Variants in GPR19 observed in about 807,000 individuals in gnomAD.
The protein encoded by GPR19 is probable G protein-coupled receptor 19.
GPR19 carries 14 observed loss-of-function variants against 28.5 expected under a neutral mutation model. The ratio of observed to expected loss-of-function variants is 0.49; its 90% CI spans 0.32 to 0.77. The LOEUF (loss-of-function observed/expected upper bound fraction) is 0.77, where lower values mean the gene tolerates loss of function less well. Among genes scored for constraint, GPR19 ranks in the 30% least tolerant of loss-of-function variants. The pLI is 0.03. For missense variants in GPR19, 409 were observed against 504.1 expected (o/e 0.81, Z 1.81); for synonymous variants, 173 against 184.1 (o/e 0.94, Z 0.49).
chr12:12,702,369 G>T, the GPR19 span, among the ~76,000 whole-genome samples: 2 of 152,022 alleles, frequency 1.3e-5, no homozygotes, highest in South Asian at 4.1e-4. Flanking sequence ...GTTGGTATTT[G>T]ACTCACATCT....
chr12:12,673,935 G>A (rs1378587242), intron 3 of GPR19, among the ~76,000 whole-genome samples: 1 of 152,050 alleles, frequency 6.6e-6, no homozygotes, highest in Non-Finnish European at 1.5e-5. Context: ...TAGAAGCAGG[G>A]AGAATAGTTA....
chr12:12,676,538 A>T (rs1592259967), intron 3 of GPR19, among the ~76,000 whole-genome samples: 1 of 152,314 alleles, frequency 6.6e-6, no homozygotes, highest in East Asian at 1.9e-4. Flanking sequence ...TCCAAAGGAA[A>T]GATGAATTTT....
chr12:12,675,224 G>C (rs1328361525), intron 3 of GPR19, among the ~76,000 whole-genome samples: 1 of 152,136 alleles, frequency 6.6e-6, no homozygotes, highest in Admixed American at 6.6e-5. Context: ...CATCACGTGG[G>C]GAGCAGGTTA....
intron 1 of GPR19, 143 bp from the exon 2 acceptor site, chr12:12,695,654 T>G (rs556792293): frequency 1.3e-5 from 2 of 152,350 alleles, no homozygotes; most frequent in Non-Finnish European, 2.9e-5. Context: ...CTCATTCCAT[T>G]CCATTAGGGG....
intron 3 of GPR19, among the ~76,000 whole-genome samples, chr12:12,662,789 T>C (rs1945699806): frequency 6.6e-6 from 1 of 152,226 alleles, no homozygotes; most frequent in African/African-American, 2.4e-5. Context: ...TCACAGAATA[T>C]TAGGGATCTC....
At chr12:12,674,048 C>T (rs888520601) in intron 3 of GPR19, among the ~76,000 whole-genome samples, 1 of 151,520 alleles carries the variant, frequency 6.6e-6, no homozygotes, top group Non-Finnish European at 1.5e-5. Context: ...CCTGTCTGTA[C>T]TAAATATATA....
At chr12:12,691,402 T>A (rs952520274) in intron 2 of GPR19, among the ~76,000 whole-genome samples, 1 of 152,134 alleles carries the variant, frequency 6.6e-6, no homozygotes, top group Non-Finnish European at 1.5e-5. Flanking sequence ...AGCATGCCCT[T>A]CACACTGCTT....
At position 12,661,462 on chromosome 12, in the gene GPR19, C is replaced by T; in HGVS notation, c.987G>A (p.Leu329=). 3 of 1,613,654 alleles carry T rather than the reference C, an allele frequency of 1.9e-6. No homozygotes were observed. The highest frequency in any genetic ancestry group is 3.3e-5 in the Admixed American group (2 of 60,004). The part of the protein sequence containing the change: ...SFSSSASKPT[L]YSIYNANFRR... ...GAAAATTGGCATTATAAATTGAATA[C>T]AGAGTAGGTTTAGAGGCTGAAGAAC... Residue 329 remains leucine (L), a synonymous_variant, in exon 4 of 4, where the codon CTG becomes CTA. Transcript: ENST00000651487. The surrounding 1 kb of genome is among the most constrained non-coding windows in gnomAD (Gnocchi z 4.2).
chr12:12,697,630 G>A (rs188152110), upstream of GPR19, among the ~76,000 whole-genome samples: 4 of 152,298 alleles, frequency 2.6e-5, no homozygotes, highest in Admixed American at 1.3e-4. Flanking sequence ...AGGAAAGTGG[G>A]ATTTTCAAGA....
intron 3 of GPR19, among the ~76,000 whole-genome samples, chr12:12,666,812 T>A (rs1367548006): frequency 6.6e-6 from 1 of 152,202 alleles, no homozygotes; most frequent in Non-Finnish European, 1.5e-5. Context: ...CTATATATTC[T>A]CAGAGAGGTG....
the GPR19 span, among the ~76,000 whole-genome samples, chr12:12,711,573 CAG>C: frequency 3.7e-4 from 56 of 152,244 alleles, no homozygotes; most frequent in Admixed American, 9.2e-4. Context: ...GCAAAGGAGA[CAG>C]GGGAATTTCA....
At chr12:12,705,749 T>C in the GPR19 span, among the ~76,000 whole-genome samples, 4 of 152,138 alleles carry the variant, frequency 2.6e-5, no homozygotes, top group Non-Finnish European at 4.4e-5. Context: ...AGGGTTTCAC[T>C]ATGTTGCCCA....
Position 12,695,104 on chromosome 12 carries a change from T to A in GPR19, c.-180+355A>T, listed in dbSNP as rs191121988. Among the ~76,000 whole-genome samples, 17 of 152,366 alleles carry A rather than the reference T, an allele frequency of 1.1e-4. No homozygotes were observed. The East Asian group carries it at 3.1e-3, about 28-fold the overall frequency. On this transcript the variant is annotated intron_variant, in intron 2 of 3. Transcript: ENST00000651487. ...GTTTTTCTTACAGATGAAGTGATAC[T>A]CTTTACCTATCAGCCATTCCTTTGT...
At chr12:12,698,588 CA>C (rs1946294396), upstream of GPR19, among the ~76,000 whole-genome samples, 2 of 149,736 alleles carry the variant, frequency 1.3e-5, no homozygotes, top group African/African-American at 4.9e-5. Context: ...AATGATAGGA[CA>C]TTTTTTTCAT....
At chr12:12,709,346 G>A in the GPR19 span, among the ~76,000 whole-genome samples, 4,365 of 152,210 alleles carry the variant, frequency 0.029, 206 homozygotes, top group African/African-American at 0.099. Flanking sequence ...AAACTATGTG[G>A]TCTCTCTTCT....
At chr12:12,668,101 A>G (rs1945807854) in intron 3 of GPR19, among the ~76,000 whole-genome samples, 1 of 152,168 alleles carries the variant, frequency 6.6e-6, no homozygotes. Context: ...TTTATATGTT[A>G]ACTTGTAGAT....
chr12:12,697,004 A>C (rs150185071), upstream of GPR19, among the ~76,000 whole-genome samples: 138 of 152,264 alleles, frequency 9.1e-4, 1 homozygote, highest in Non-Finnish European at 1.5e-3. Flanking sequence ...AGCCACAGTT[A>C]ATGAAACTCA....
At chr12:12,686,867 G>T (rs902740357) in intron 2 of GPR19, among the ~76,000 whole-genome samples, 8 of 152,122 alleles carry the variant, frequency 5.3e-5, no homozygotes, top group Admixed American at 1.3e-4. Flanking sequence ...TTCCTTCCAG[G>T]ATGACTGCAT....
intron 3 of GPR19, among the ~76,000 whole-genome samples, chr12:12,666,575 A>C (rs1566138972): frequency 6.6e-6 from 1 of 152,214 alleles, no homozygotes; most frequent in Non-Finnish European, 1.5e-5. Context: ...TCTGTGCTTT[A>C]GAAATACCTC....
Sources: gnomAD v4.1 joint callset for allele counts (sites outside exome capture counted in the v4.1 genomes callset) on GRCh38, gnomAD v4.1.1 for gene constraint, Gnocchi (gnomAD v3.1) non-coding constraint, MANE v1.5 for transcripts, NCBI Gene and HGNC (gene_info 2026-07-23, HGNC 2026-07-21) for gene names.